NELFE: variants seen among roughly 807,000 people sequenced by gnomAD.
NELFE encodes negative elongation factor complex member E, also known as negative elongation factor E.
NELFE carries 26 observed loss-of-function variants against 55.5 expected under a neutral mutation model. That is an observed-to-expected ratio of 0.47 (90% confidence interval 0.34 to 0.65). The LOEUF (loss-of-function observed/expected upper bound fraction) is 0.65, where lower values mean the gene tolerates loss of function less well. Ranked by LOEUF, NELFE falls within the 30% of genes least tolerant of loss-of-function variation. The probability of loss-of-function intolerance (pLI) is 0.01; values close to 1 mark genes in which losing one functional copy is unlikely to be tolerated. For synonymous variants in NELFE, 162 were observed against 178.0 expected (o/e 0.91, Z 0.72); for missense variants, 403 against 506.9 (o/e 0.80, Z 1.97).
Position 31,954,266 on chromosome 6 carries a change from G to A in NELFE, c.887+32C>T. The stretch of plus-strand genomic sequence containing the variant: ...GTCTCACACCCCAGGATTCTCCCAG[G>A]ACTTCTCATCATGCCCTGTTGTCAT... On this transcript the variant is annotated intron_variant, in intron 8 of 10. Coordinates refer to ENST00000375429, the MANE Select transcript of NELFE (RefSeq NM_002904.6). The surrounding 1 kb of genome is among the most constrained non-coding windows in gnomAD (Gnocchi z 5.5). The A allele has an allele frequency of 6.2e-7, 1 of 1,609,510 alleles. No homozygotes were observed. Among genetic ancestry groups the A allele is most frequent in the Non-Finnish European group, 8.5e-7 (1 of 1,177,474 alleles).
Position 31,958,892 on chromosome 6 carries a change from C to T in NELFE, c.-9G>A, listed in dbSNP as rs1313865294. On this transcript the variant is annotated splice_region_variant and 5_prime_UTR_variant, in exon 1 of 11. Transcript: ENST00000375429. ...AAGAGTGAGAAGCAGAGGGCCTTAC[C>T]CGAGGGGGCGGCAACCGGGGGCCCC... 2 of 594,840 alleles carry T rather than the reference C, an allele frequency of 3.4e-6. No homozygotes were observed. The allele number at this position is 594,840 out of a possible 1,614,324, so 36.8% of individuals were successfully genotyped here.
Position 31,954,752 on chromosome 6 carries a change from G to C in NELFE, c.545C>G (p.Pro182Arg). The change falls in exon 7 of 11, where the codon CCT (proline) becomes CGT (arginine). Residue 182 changes from proline to arginine, a missense_variant. Pro to Arg is a moderately radical substitution (Grantham distance 103, BLOSUM62 -2). Transcript: ENST00000375429. This position sits in a 1 kb window ranked among gnomAD's most constrained non-coding sequence, Gnocchi z 5.5. ...GCGGTCCCGGCTGCGGCTTCGGGGAGGGGAGGCTGAGGAGTGGGCACCACT... is the reference window on the plus strand; with the variant it reads ...GCGGTCCCGGCTGCGGCTTCGGGGACGGGAGGCTGAGGAGTGGGCACCACT... Reference protein sequence around the residue: ...ERSGAHSSASPPRSRSRDRSH... With the variant: ...ERSGAHSSASRPRSRSRDRSH... 3 of 1,613,318 alleles carry C rather than the reference G, an allele frequency of 1.9e-6. No homozygotes were observed. The highest frequency in any genetic ancestry group is 2.5e-6 in the Non-Finnish European group (3 of 1,180,014).
intron 1 of NELFE, chr6:31,958,664 C>G (rs1036100590): frequency 2.8e-6 from 2 of 703,680 alleles, no homozygotes; most frequent in Non-Finnish European, 5.2e-6. Context: ...ATCACAGACA[C>G]CAGCACCTTT....
At chr6:31,953,922 G>A in intron 9 of NELFE, 91 bp from the exon 10 acceptor site, 1 of 1,357,040 alleles carries the variant, frequency 7.4e-7, no homozygotes, top group South Asian at 1.2e-5. Flanking sequence ...CCTAGGAGGA[G>A]ACTGAATAAG....
chr6:31,957,918 T>C lies in NELFE; in HGVS notation c.75+454A>G, dbSNP rs564276994. Among the ~76,000 whole-genome samples, 188 of 152,194 alleles carry C rather than the reference T, an allele frequency of 1.2e-3. 1 individual carries two copies. The highest frequency in any genetic ancestry group is 2.1e-3 in the Non-Finnish European group (142 of 68,014). On this transcript the variant is annotated intron_variant, in intron 2 of 10. Transcript: ENST00000375429. Reference sequence around the variant, plus strand: ...CACAGTGAAGAATAAACAGGAAAAATTACTTCAAAAGAAGAAACAATAAGA... The same window carrying C: ...CACAGTGAAGAATAAACAGGAAAAACTACTTCAAAAGAAGAAACAATAAGA...
rs1336572950 is a variant in NELFE at position 31,953,711 on chromosome 6, G to T, written c.1045+18C>A. On this transcript the variant is annotated intron_variant, in intron 10 of 10. Transcript: ENST00000375429. ...GCCTGTGGGGGAGAGGATGGGAAAG[G>T]AAGAATCCCATTCTTACCGAGGGAG... 1.9e-6 allele frequency: 3 copies of T among 1,591,084 alleles called. No individual in the cohort carries two copies. The highest frequency in any genetic ancestry group is 1.7e-5 in the Admixed American group (1 of 59,994).
rs751847999 is a variant in NELFE at position 31,952,434 on chromosome 6, G to A, written c.1046-36C>T. The A allele has an allele frequency of 6.6e-6, 10 of 1,504,266 alleles. No homozygotes were observed. In the African/African-American group the frequency reaches 1.2e-4, roughly 19 times the overall value. 93.2% of individuals were successfully genotyped at this position (1,504,266 alleles called of 1,614,324 possible). A position where few individuals can be genotyped will look rare whatever the true frequency, so the allele number is the denominator to read the frequency against. On this transcript the variant is annotated intron_variant, in intron 10 of 10. Coordinates refer to ENST00000375429, the MANE Select transcript of NELFE (RefSeq NM_002904.6). ...AGGAGAGGAACAGTTAAGGTCTAAA[G>A]GAGATCATAGAACAGACCCTGAGGC...
intron 10 of NELFE, among the ~76,000 whole-genome samples, chr6:31,952,808 G>A (rs1479496588): frequency 1.3e-5 from 2 of 152,122 alleles, no homozygotes; most frequent in Non-Finnish European, 2.9e-5. Flanking sequence ...CCTTTCCCAG[G>A]AAAATCTACT....
Position 31,953,791 on chromosome 6 carries a change from T to C in NELFE, c.983A>G (p.Asn328Ser), listed in dbSNP as rs182390255. The change falls in exon 10 of 11, where the codon AAC (asparagine) becomes AGC (serine). Residue 328 changes from asparagine (N) to serine (S), a missense_variant. Around this residue, in one of 3 missense-constraint regions of NELFE, gnomAD observed 77 missense variants for 123.3 expected, o/e 0.62. Coordinates refer to ENST00000375429, the MANE Select transcript of NELFE (RefSeq NM_002904.6). The part of the protein sequence containing the change: ...TQVESVQLKV[N>S]IARKQPMLDA... ...CAGCATGGGCTGTTTTCGGGCTATG[T>C]TGACTTTGAGCTGTACAGACTCCAC... 60 of 1,613,038 alleles carry C rather than the reference T, an allele frequency of 3.7e-5. No homozygotes were observed. The East Asian group carries it at 9.6e-4, about 26-fold the overall frequency.
chr6:31,955,107 G>A lies in NELFE; in HGVS notation c.367-11C>T, dbSNP rs758205859. The stretch of plus-strand genomic sequence containing the variant: ...GGGACGTCTGGATGACTGTAAAAGA[G>A]ACCAAGAACAGTTAAGATGATTTCC... On this transcript the variant is annotated splice_polypyrimidine_tract_variant and intron_variant, in intron 5 of 10. Transcript: ENST00000375429. The A allele has an allele frequency of 2.5e-5, 40 of 1,612,944 alleles. No individual in the cohort carries two copies. The highest frequency in any genetic ancestry group is 2.3e-5 in the Non-Finnish European group (27 of 1,180,002).
At position 31,958,881 on chromosome 6, in the gene NELFE, G is replaced by A. The variant is rs1193454650; in HGVS notation, c.-9+11C>T. The A allele has an allele frequency of 2.8e-5, 17 of 603,788 alleles. 1 individual carries two copies. The East Asian group carries it at 4.7e-4, about 17-fold the overall frequency. 37.4% of individuals were successfully genotyped at this position (603,788 alleles called of 1,614,324 possible). A position where few individuals can be genotyped will look rare whatever the true frequency, so the allele number is the denominator to read the frequency against. ...AAAAAGGGCCGAAGAGTGAGAAGCAGAGGGCCTTACCCGAGGGGGCGGCAA... is the reference window on the plus strand; with the variant it reads ...AAAAAGGGCCGAAGAGTGAGAAGCAAAGGGCCTTACCCGAGGGGGCGGCAA... On this transcript the variant is annotated intron_variant, in intron 1 of 10. Transcript: ENST00000375429.
In NELFE at chr6:31,954,139, G is replaced by C. The variant is rs1771923915; in HGVS notation, c.888-5C>G. 1 of 1,614,072 alleles carries C rather than the reference G, an allele frequency of 6.2e-7. No individual in the cohort carries two copies. The highest frequency in any genetic ancestry group is 8.5e-7 in the Non-Finnish European group (1 of 1,180,008). On this transcript the variant is annotated splice_polypyrimidine_tract_variant and splice_region_variant and intron_variant, in intron 8 of 10. Coordinates refer to ENST00000375429, the MANE Select transcript of NELFE (RefSeq NM_002904.6). This position sits in a 1 kb window ranked among gnomAD's most constrained non-coding sequence, Gnocchi z 5.5. ...TCATAGGTGACGAAGGCACAGCTGG[G>C]ATAAGAGAAAACACGGTCAGTGGAG...
At position 31,954,744 on chromosome 6, in the gene NELFE, T is replaced by G. The variant is rs571762069; in HGVS notation, c.553A>C (p.Ser185Arg). The change falls in exon 7 of 11, where the codon AGC becomes CGC. Residue 185 changes from serine (S) to arginine (R), a missense_variant. Coordinates refer to ENST00000375429, the MANE Select transcript of NELFE (RefSeq NM_002904.6). This position sits in a 1 kb window ranked among gnomAD's most constrained non-coding sequence, Gnocchi z 5.5. ...GAHSSASPPR[S>R]RSRDRSHERN... ...TCATGGCTGCGGTCCCGGCTGCGGC[T>G]TCGGGGAGGGGAGGCTGAGGAGTGG... The G allele has an allele frequency of 6.2e-7, 1 of 1,613,570 alleles. No individual in the cohort carries two copies. Among genetic ancestry groups the G allele is most frequent in the East Asian group, 2.2e-5 (1 of 44,882 alleles).
chr6:31,956,550 G>A (rs9501161), intron 4 of NELFE, 143 bp downstream of exon 4: 87,372 of 882,632 alleles, frequency 0.099, 5,333 homozygotes, highest in South Asian at 0.18. Flanking sequence ...GAGTCGTCTA[G>A]TTTTTTCATT....
At chr6:31,956,132 T>G (rs919642140) in intron 4 of NELFE, among the ~76,000 whole-genome samples, 1 of 151,472 alleles carries the variant, frequency 6.6e-6, no homozygotes, top group African/African-American at 2.4e-5. Flanking sequence ...GGTTTCACCT[T>G]GTTAGCCAGG....
intron 1 of NELFE, 110 bp from the exon 2 acceptor site, chr6:31,958,564 CTT>C (rs1772241654): frequency 2.2e-6 from 2 of 901,270 alleles, no homozygotes; most frequent in East Asian, 2.4e-5. Context: ...CTACTCTTGT[CTT>C]TGGCTTTCCC....
At chr6:31,953,957 G>T in intron 9 of NELFE, 123 bp downstream of exon 9, 1 of 1,340,468 alleles carries the variant, frequency 7.5e-7, no homozygotes, top group Non-Finnish European at 1.1e-6. Context: ...GAGTTTTTCT[G>T]TGTGAATAGG....
At position 31,955,229 on chromosome 6, in the gene NELFE, T is replaced by A; in HGVS notation, c.356A>T (p.Asp119Val). 2 of 1,608,468 alleles carry A rather than the reference T, an allele frequency of 1.2e-6. No individual in the cohort carries two copies. The highest frequency in any genetic ancestry group is 1.7e-6 in the Non-Finnish European group (2 of 1,177,644). Residue 119 changes from aspartate to valine, a missense_variant, in exon 5 of 11, where the codon GAC becomes GTC. Coordinates refer to ENST00000375429, the MANE Select transcript of NELFE (RefSeq NM_002904.6). ...ATTAGGAGCCTTTACCTCTTGCAGG[T>A]CATCATCAGCAGATATGCTCCTCTG... ...PFQRSISADDDLQESSRRPQR... is the reference protein window; with the variant it reads ...PFQRSISADDVLQESSRRPQR...
At chr6:31,955,341 AC>A in intron 4 of NELFE, 48 bp from the exon 5 acceptor site, 1 of 1,417,352 alleles carries the variant, frequency 7.1e-7, no homozygotes, top group South Asian at 1.4e-5. Flanking sequence ...AGGTTGCCCA[AC>A]CATGGACCAG....
Sources: gnomAD v4.1 joint callset for allele counts (sites outside exome capture counted in the v4.1 genomes callset) on GRCh38, gnomAD v4.1.1 for gene constraint, gnomAD v4.1.1 regional missense constraint, Gnocchi (gnomAD v3.1) non-coding constraint, MANE v1.5 for transcripts, NCBI Gene and HGNC (gene_info 2026-07-23, HGNC 2026-07-21) for gene names.